Variants in PRKG1 observed in about 807,000 individuals in gnomAD.
PRKG1 encodes the protein protein kinase cGMP-dependent 1.
In PRKG1, 35 loss-of-function variants were observed where a neutral mutation model predicts 88.1. That is an observed-to-expected ratio of 0.40 (90% CI 0.30 to 0.53). The LOEUF is 0.53. Ranked by LOEUF, PRKG1 falls within the 20% of genes least tolerant of loss-of-function variation. The pLI is 0.59. For missense variants in PRKG1, 540 were observed against 839.8 expected (o/e 0.64, Z 4.41); for synonymous variants, 303 against 292.5 (o/e 1.04, Z -0.37).
At chr10:51,725,759 G>C (rs1842117232) in intron 3 of PRKG1, among the ~76,000 whole-genome samples, 1 of 151,688 alleles carries the variant, frequency 6.6e-6, no homozygotes, top group South Asian at 2.1e-4. Flanking sequence ...TCAACCTACA[G>C]AGTAGCTGGG....
rs1841698593 is a variant in PRKG1 at position 51,330,137 on chromosome 10, ATTT to A, written c.479-137585_479-137583del. 2.4e-5 allele frequency among the ~76,000 whole-genome samples: 3 copies of A among 127,656 alleles called. No individual in the cohort carries two copies. In the South Asian group the frequency reaches 7.4e-4, roughly 32 times the overall value. The allele number at this position is 127,656 out of a possible 152,430, so 83.7% of individuals were successfully genotyped here. ...TATTTATTTATTTATTTATTTATTT[ATTT>A]ATTTATTTTTTATTTATTTTTTTTT... On this transcript the variant is annotated intron_variant, in intron 2 of 17. Transcript: ENST00000373980.
At chr10:51,313,820 A>G (rs1188047366) in intron 2 of PRKG1, among the ~76,000 whole-genome samples, 1 of 152,206 alleles carries the variant, frequency 6.6e-6, no homozygotes, top group African/African-American at 2.4e-5. Context: ...ACCAAATAAA[A>G]GGCCTACATA....
At chr10:51,252,427 A>G (rs184841563) in intron 2 of PRKG1, among the ~76,000 whole-genome samples, 14 of 151,964 alleles carry the variant, frequency 9.2e-5, no homozygotes, top group African/African-American at 2.4e-4. Context: ...TTACATTACT[A>G]GAAAATTATT....
At chr10:52,093,658 ATTTTC>A (rs1564466017) in intron 7 of PRKG1, among the ~76,000 whole-genome samples, 1 of 152,062 alleles carries the variant, frequency 6.6e-6, no homozygotes, top group African/African-American at 2.4e-5. Context: ...CTTGCAAAAA[ATTTTC>A]TTCTTTGTTT....
chr10:51,682,455 T>C (rs2132372706), intron 3 of PRKG1, among the ~76,000 whole-genome samples: 1 of 152,264 alleles, frequency 6.6e-6, no homozygotes, highest in East Asian at 1.9e-4. Context: ...TCATAGCTGA[T>C]CTCGTTTCCT....
At chr10:52,112,247 T>G (rs1038490921) in intron 7 of PRKG1, among the ~76,000 whole-genome samples, 53 of 152,218 alleles carry the variant, frequency 3.5e-4, no homozygotes, top group Admixed American at 6.5e-5. Flanking sequence ...GATCCCTTCA[T>G]AAATACTTAG....
intron 3 of PRKG1, among the ~76,000 whole-genome samples, chr10:51,553,702 CGTGT>C (rs1837199652): frequency 7.3e-6 from 1 of 137,786 alleles, no homozygotes; most frequent in Admixed American, 7.2e-5. Context: ...TTATTATATA[CGTGT>C]ATATAATATA....
At chr10:51,904,757 G>A (rs774456035) in intron 4 of PRKG1, among the ~76,000 whole-genome samples, 1 of 151,976 alleles carries the variant, frequency 6.6e-6, no homozygotes, top group Non-Finnish European at 1.5e-5. Context: ...TCAATGTTTT[G>A]AGGCATTTAA....
intron 5 of PRKG1, among the ~76,000 whole-genome samples, chr10:51,957,351 G>A (rs1006945608): frequency 2.0e-5 from 3 of 150,302 alleles, no homozygotes; most frequent in Middle Eastern, 6.8e-3. Flanking sequence ...GAGTACAGTG[G>A]CACAATCATA....
intron 2 of PRKG1, among the ~76,000 whole-genome samples, chr10:51,162,027 CAT>C (rs1331449999): frequency 1.3e-5 from 2 of 152,166 alleles, no homozygotes. Flanking sequence ...TTAAAAAACA[CAT>C]AGATATATTT....
chr10:51,313,696 G>A (rs901891490), intron 2 of PRKG1, among the ~76,000 whole-genome samples: 2 of 152,162 alleles, frequency 1.3e-5, no homozygotes, highest in African/African-American at 4.8e-5. Context: ...AGGACCCAGA[G>A]CGGGTACCAA....
At chr10:51,978,128 C>T (rs144333784) in intron 5 of PRKG1, among the ~76,000 whole-genome samples, 325 of 150,924 alleles carry the variant, frequency 2.2e-3, no homozygotes, top group Non-Finnish European at 3.2e-3. Context: ...CTTTAATCTA[C>T]CTTGAGTAGG....
At chr10:51,740,601 AC>A (rs1837408808) in intron 3 of PRKG1, among the ~76,000 whole-genome samples, 1 of 151,944 alleles carries the variant, frequency 6.6e-6, no homozygotes, top group South Asian at 2.1e-4. Context: ...CTTCTGTAAA[AC>A]TCTACCCTAT....
intron 2 of PRKG1, among the ~76,000 whole-genome samples, chr10:51,295,075 C>T (rs903804926): frequency 3.9e-5 from 6 of 151,914 alleles, no homozygotes; most frequent in Non-Finnish European, 2.9e-5. Flanking sequence ...AGTGCAAGAC[C>T]CTGTCTCTAA....
intron 2 of PRKG1, among the ~76,000 whole-genome samples, chr10:51,211,122 C>G (rs1023397665): frequency 2.6e-5 from 4 of 152,166 alleles, no homozygotes; most frequent in African/African-American, 4.8e-5. Flanking sequence ...CCAACATGAT[C>G]AAGTGGGCTT....
rs138747720 is a variant in PRKG1 at position 51,995,834 on chromosome 10, T to C, written c.763-58650T>C. ...TGAGACAATATATGTTAAGTGCATA[T>C]AGAAACATGACAGAAAATATTAAAA... is the stretch of plus-strand genomic sequence containing the variant. On this transcript the variant is annotated intron_variant, in intron 5 of 17. Coordinates refer to ENST00000373980, the MANE Select transcript of PRKG1 (RefSeq NM_006258.4). Among the ~76,000 whole-genome samples, 1,012 of 152,188 alleles carry C rather than the reference T, an allele frequency of 6.6e-3. 11 individuals carry two copies. The highest frequency in any genetic ancestry group is 0.024 in the African/African-American group (981 of 41,516).
chr10:51,699,089 C>A, intron 3 of PRKG1: 1 of 1,614,220 alleles, frequency 6.2e-7, no homozygotes, highest in Non-Finnish European at 8.5e-7. Context: ...TTCCTGGTGG[C>A]TGTTTTGGAC....
intron 1 of PRKG1, among the ~76,000 whole-genome samples, chr10:51,133,555 A>G (rs769610697): frequency 6.6e-6 from 1 of 152,182 alleles, no homozygotes; most frequent in Non-Finnish European, 1.5e-5. Context: ...ATTCAAACTC[A>G]GGTCTTTCTG....
intron 5 of PRKG1, among the ~76,000 whole-genome samples, chr10:51,972,479 C>T (rs1195572361): frequency 1.3e-5 from 2 of 152,122 alleles, no homozygotes; most frequent in African/African-American, 4.8e-5. Flanking sequence ...TAGCTCTTAC[C>T]TGATGGCTAA....
Sources: gnomAD v4.1 joint callset for allele counts (sites outside exome capture counted in the v4.1 genomes callset) on GRCh38, gnomAD v4.1.1 for gene constraint, MANE v1.5 for transcripts, NCBI Gene and HGNC (gene_info 2026-07-23, HGNC 2026-07-21) for gene names.